COL19A1: variants seen among roughly 807,000 people sequenced by gnomAD.
The protein encoded by COL19A1 is collagen type XIX alpha 1 chain.
Under a neutral mutation model 190.2 loss-of-function variants are expected in COL19A1, and 159 were observed. The ratio of observed to expected loss-of-function variants is 0.84; its 90% CI spans 0.73 to 0.95. COL19A1 has a LOEUF of 0.95. COL19A1 is among the 40% of genes least tolerant of loss of function. COL19A1 has a pLI of 0.00. For synonymous variants in COL19A1, 509 were observed against 458.9 expected, an observed-to-expected ratio of 1.11 and a Z score of -1.39; for missense variants, 1,418 against 1,431.9, an observed-to-expected ratio of 0.99 and a Z score of 0.16.
At chr6:69,950,674 C>A (rs1336220503) in intron 9 of COL19A1, among the ~76,000 whole-genome samples, 4 of 136,258 alleles carry the variant, frequency 2.9e-5, no homozygotes, top group Admixed American at 7.5e-5. Flanking sequence ...ATGAATGCAG[C>A]CACACACACA....
intron 44 of COL19A1, among the ~76,000 whole-genome samples, chr6:70,182,611 G>A (rs978721998): frequency 6.6e-6 from 1 of 152,200 alleles, no homozygotes; most frequent in African/African-American, 2.4e-5. Context: ...AGAGAGACAG[G>A]AAGAAAATCG....
intron 13 of COL19A1, among the ~76,000 whole-genome samples, chr6:70,035,464 A>T (rs959790519): frequency 1.3e-5 from 2 of 152,204 alleles, no homozygotes; most frequent in South Asian, 2.1e-4. Flanking sequence ...AGGCCATGGG[A>T]CTGCTTCTTG....
At chr6:69,948,184 A>G (rs1417265292) in intron 9 of COL19A1, among the ~76,000 whole-genome samples, 1 of 151,862 alleles carries the variant, frequency 6.6e-6, no homozygotes, top group Non-Finnish European at 1.5e-5. Flanking sequence ...TTTTTGAATT[A>G]TTCTGAACAT....
intron 21 of COL19A1, 39 bp downstream of exon 21, chr6:70,141,967 AATGAGATT>A: frequency 1.2e-6 from 2 of 1,609,926 alleles, no homozygotes; most frequent in East Asian, 4.5e-5. Flanking sequence ...CTCCAACCTT[AATGAGATT>A]ATGAAAATTA....
chr6:70,153,671 A>T (rs1304136809), intron 31 of COL19A1, among the ~76,000 whole-genome samples: 1 of 152,104 alleles, frequency 6.6e-6, no homozygotes, highest in Non-Finnish European at 1.5e-5. Flanking sequence ...TTTGCTCCAT[A>T]TTGAGATGCC....
chr6:70,041,383 C>T (rs915739571), intron 14 of COL19A1, among the ~76,000 whole-genome samples: 7 of 152,076 alleles, frequency 4.6e-5, no homozygotes, highest in Admixed American at 4.6e-4. Context: ...ACTGATTATT[C>T]CACCCTTATC....
At chr6:69,876,947 C>T (rs1768166023) in intron 1 of COL19A1, among the ~76,000 whole-genome samples, 1 of 152,130 alleles carries the variant, frequency 6.6e-6, no homozygotes, top group South Asian at 2.1e-4. Context: ...TTTAATATTG[C>T]AATTGCCACT....
intron 11 of COL19A1, among the ~76,000 whole-genome samples, chr6:69,993,655 G>A (rs1163914321): frequency 4.6e-5 from 7 of 151,934 alleles, no homozygotes; most frequent in African/African-American, 9.7e-5. Flanking sequence ...GTCTGTTCAG[G>A]GTTTCAATTT....
At position 70,074,688 on chromosome 6, in the gene COL19A1, A is replaced by G. The variant is rs1355441544; in HGVS notation, c.1224+6212A>G. On this transcript the variant is annotated intron_variant, in intron 15 of 50. Transcript: ENST00000620364. ...TACACAGGCTTGAATTTTAGAGAGG[A>G]GTCTTATAGAGAAAAGAATGGATAA... is the stretch of plus-strand genomic sequence containing the variant. 2.0e-5 allele frequency among the ~76,000 whole-genome samples: 3 copies of G among 151,980 alleles called. No homozygotes were observed. The East Asian group carries it at 5.8e-4, about 29-fold the overall frequency.
intron 12 of COL19A1, among the ~76,000 whole-genome samples, chr6:70,024,616 G>A (rs78528624): frequency 8.3e-6 from 1 of 120,038 alleles, no homozygotes; most frequent in African/African-American, 3.0e-5. Flanking sequence ...TGTGTGTGTG[G>A]GTGTGTGGGT....
chr6:70,113,790 C>T (rs6908849), intron 16 of COL19A1, among the ~76,000 whole-genome samples: 37,873 of 150,128 alleles, frequency 0.25, 5,249 homozygotes, highest in South Asian at 0.41. Context: ...ATCCTTACCC[C>T]TCTCCCATTC....
In COL19A1 at chr6:70,144,950, G is replaced by A. The variant is rs753184437; in HGVS notation, c.1713G>A (p.Gly571=). ...GDPGGIIGPP[G]LPGPKGEAGP... ...CGGGTGGGATCATAGGCCCTCCCGG[G>A]CTTCCAGGTCCAAAAGGTGAGGCTG... is the stretch of plus-strand genomic sequence containing the variant. Residue 571 remains glycine (G), a synonymous_variant, in exon 25 of 51, where the codon GGG becomes GGA. Coordinates refer to ENST00000620364, the MANE Select transcript of COL19A1 (RefSeq NM_001858.6). The A allele has an allele frequency of 2.3e-5, 37 of 1,591,070 alleles. 1 individual carries two copies. The South Asian group carries it at 4.1e-4, about 18-fold the overall frequency.
intron 9 of COL19A1, among the ~76,000 whole-genome samples, chr6:69,951,901 C>T (rs1185298892): frequency 6.6e-6 from 1 of 151,900 alleles, no homozygotes; most frequent in Non-Finnish European, 1.5e-5. Flanking sequence ...AAATCCATAG[C>T]TCTTGCCCCT....
At chr6:70,135,370 A>G (rs961056884) in intron 18 of COL19A1, among the ~76,000 whole-genome samples, 1 of 152,154 alleles carries the variant, frequency 6.6e-6, no homozygotes, top group Admixed American at 6.5e-5. Flanking sequence ...GTGAGGCTGA[A>G]AAGACTGTAA....
rs186882514 is a variant in COL19A1 at position 69,879,654 on chromosome 6, G to A, written c.87G>A (p.Lys29=). 1 of 1,614,056 alleles carries A rather than the reference G, an allele frequency of 6.2e-7. No individual in the cohort carries two copies. ...CCACTTCCGTGACCGTTAGGGACAA[G>A]ACAGGTATCCAGGCCAACTCTTTGC... ...PASTSVTVRD[K]TEESCPILRI... is the part of the protein sequence containing the mutation. The change falls in exon 2 of 51, where the codon AAG becomes AAA. Residue 29 remains lysine, a synonymous_variant. Coordinates refer to ENST00000620364, the MANE Select transcript of COL19A1 (RefSeq NM_001858.6).
chr6:69,941,783 G>C (rs1053319562), intron 9 of COL19A1, among the ~76,000 whole-genome samples: 27 of 151,638 alleles, frequency 1.8e-4, no homozygotes, highest in African/African-American at 6.3e-4. Context: ...CCGCCTCCCG[G>C]GTTCAAGCGA....
chr6:70,044,773 A>G (rs1170586372), intron 14 of COL19A1, among the ~76,000 whole-genome samples: 2 of 151,896 alleles, frequency 1.3e-5, no homozygotes, highest in African/African-American at 4.8e-5. Flanking sequence ...TTTTTTTCCC[A>G]TCTAATTCCA....
intron 11 of COL19A1, among the ~76,000 whole-genome samples, chr6:70,003,277 G>T (rs1777389448): frequency 6.6e-6 from 1 of 152,176 alleles, no homozygotes; most frequent in Non-Finnish European, 1.5e-5. Flanking sequence ...GCTGAGGAGT[G>T]TTTTACTTCC....
At chr6:70,091,761 A>C (rs180886469) in intron 15 of COL19A1, among the ~76,000 whole-genome samples, 1 of 142,702 alleles carries the variant, frequency 7.0e-6, no homozygotes, top group Non-Finnish European at 1.5e-5. Flanking sequence ...CTGGCGACTG[A>C]CCAACAATTG....
Sources: gnomAD v4.1 joint callset for allele counts (sites outside exome capture counted in the v4.1 genomes callset) on GRCh38, gnomAD v4.1.1 for gene constraint, MANE v1.5 for transcripts, NCBI Gene and HGNC (gene_info 2026-07-23, HGNC 2026-07-21) for gene names.